The following DSG2 variants were observed in gnomAD, a reference collection of about 807,000 sequenced individuals.
DSG2 encodes desmoglein 2.
In DSG2, 45 loss-of-function variants were observed where a neutral mutation model predicts 75.6. The ratio of observed to expected loss-of-function variants is 0.60; its 90% CI spans 0.47 to 0.76. DSG2 has a LOEUF of 0.76. DSG2 is among the 30% of genes least tolerant of loss of function. The pLI, the probability that DSG2 is intolerant of heterozygous loss-of-function variation, is 0.00. For synonymous variants in DSG2, 429 were observed against 483.9 expected (o/e 0.89, Z 1.49); for missense variants, 1,267 against 1,357.4 (o/e 0.93, Z 1.05).
At chr18:31,510,161 C>T (rs889415336) in intron 1 of DSG2, among the ~76,000 whole-genome samples, 1 of 152,248 alleles carries the variant, frequency 6.6e-6, no homozygotes, top group Non-Finnish European at 1.5e-5. Context: ...GCAAGTGCCA[C>T]GTCCTCTGTG....
At chr18:31,538,407 A>G (rs1412434534) in intron 11 of DSG2, among the ~76,000 whole-genome samples, 1 of 152,104 alleles carries the variant, frequency 6.6e-6, no homozygotes, top group East Asian at 1.9e-4. Context: ...TTTTTTAAAG[A>G]AATGGTAAAA....
chr18:31,542,145 C>A, intron 13 of DSG2: 1 of 316,658 alleles, frequency 3.2e-6, no homozygotes, highest in Non-Finnish European at 6.0e-6. Context: ...GCATCAGAGG[C>A]TTAGAAATAT....
Position 31,548,159 on chromosome 18 carries a change from T to C in DSG2, c.*1416T>C. The C allele has an allele frequency of 6.6e-6, 1 of 152,218 alleles. No individual in the cohort carries two copies. Among genetic ancestry groups the C allele is most frequent in the Non-Finnish European group, 1.5e-5 (1 of 68,038 alleles). The allele number at this position is 152,218 out of a possible 1,614,324, so 9.4% of individuals were successfully genotyped here. A position where few individuals can be genotyped will look rare whatever the true frequency, so the allele number is the denominator to read the frequency against. ...ATTATAAAAACCTCAAATAATTGACTTGATTTTACACAACATCCTTCCCTT... is the reference window on the plus strand; with the variant it reads ...ATTATAAAAACCTCAAATAATTGACCTGATTTTACACAACATCCTTCCCTT... On this transcript the variant is annotated 3_prime_UTR_variant, in exon 15 of 15. Coordinates refer to ENST00000261590, the MANE Select transcript of DSG2 (RefSeq NM_001943.5).
chr18:31,524,515 T>C lies in DSG2; in HGVS notation c.758T>C (p.Val253Ala). 2 of 1,614,056 alleles carry C rather than the reference T, an allele frequency of 1.2e-6. No individual in the cohort carries two copies. The highest frequency in any genetic ancestry group is 4.5e-5 in the East Asian group (2 of 44,886). The part of the protein sequence containing the change: ...DGNGEVTDKP[V>A]KQAQVQIRIL... The stretch of plus-strand genomic sequence containing the variant: ...AATGGAGAAGTTACAGACAAACCTG[T>C]AAAACAAGCTCAAGTTCAGATTCGT... Residue 253 changes from valine (V) to alanine (A), a missense_variant, in exon 7 of 15, where the codon GTA becomes GCA. Transcript: ENST00000261590.
In DSG2 at chr18:31,536,370, T is replaced by G. The variant is rs200484060; in HGVS notation, c.1592T>G (p.Phe531Cys). 1.6e-5 allele frequency: 26 copies of G among 1,614,182 alleles called. No homozygotes were observed. The East Asian group carries it at 5.6e-4, about 35-fold the overall frequency. Residue 531 changes from phenylalanine (F) to cysteine (C), a missense_variant, in exon 11 of 15, where the codon TTC becomes TGC. By Grantham distance (205) the Phe-to-Cys change is radical (BLOSUM62 -2). Coordinates refer to ENST00000261590, the MANE Select transcript of DSG2 (RefSeq NM_001943.5). ...DGHPNSGPFS[F>C]SVIDKPPGMA... is the part of the protein sequence containing the mutation. ...CACCCAAACAGTGGCCCTTTCAGTT[T>G]CTCCGTCATTGACAAACCACCTGGC...
chr18:31,520,170 CTT>C (rs1256131681), intron 3 of DSG2, among the ~76,000 whole-genome samples: 1 of 152,146 alleles, frequency 6.6e-6, no homozygotes, highest in Non-Finnish European at 1.5e-5. Flanking sequence ...ATATAGATAA[CTT>C]TGAGTTTTGA....
At chr18:31,530,608 G>A (rs1200758282) in intron 8 of DSG2, among the ~76,000 whole-genome samples, 1 of 151,974 alleles carries the variant, frequency 6.6e-6, no homozygotes, top group Admixed American at 6.6e-5. Flanking sequence ...TTGTACAGAT[G>A]GGAACTCCCT....
At position 31,546,454 on chromosome 18, in the gene DSG2, T is replaced by C; in HGVS notation, c.3068T>C (p.Leu1023Pro). The change falls in exon 15 of 15, where the codon CTT becomes CCT. Residue 1023 changes from leucine to proline, a missense_variant. Transcript: ENST00000261590. ...ATGGTGAGGGAAAGAGAGAGCTTCCTTGCCCCCAGCTCAGGTGTGCAGCCT... is the reference window on the plus strand; with the variant it reads ...ATGGTGAGGGAAAGAGAGAGCTTCCCTGCCCCCAGCTCAGGTGTGCAGCCT... ...YVMVRERESF[L>P]APSSGVQPTL... The C allele has an allele frequency of 6.2e-7, 1 of 1,614,148 alleles. No homozygotes were observed. Among genetic ancestry groups the C allele is most frequent in the South Asian group, 1.1e-5 (1 of 91,084 alleles).
chr18:31,501,562 A>T (rs115500955), intron 1 of DSG2, among the ~76,000 whole-genome samples: 167 of 152,168 alleles, frequency 1.1e-3, no homozygotes, highest in Non-Finnish European at 2.0e-3. Flanking sequence ...CCAAGTGCAT[A>T]CTGGTTTGTT....
rs1279432764 is a variant in DSG2, at chr18:31,520,791, T to C, written c.217-12T>C. On this transcript the variant is annotated splice_polypyrimidine_tract_variant and intron_variant, in intron 3 of 14. Coordinates refer to ENST00000261590, the MANE Select transcript of DSG2 (RefSeq NM_001943.5). The stretch of plus-strand genomic sequence containing the variant: ...AGTTCAACCTGAAACATTCCTGTTA[T>C]TTTTATGTTAGATACATTCTGATCT... The C allele has an allele frequency of 6.2e-7, 1 of 1,613,082 alleles. No homozygotes were observed. Among genetic ancestry groups the C allele is most frequent in the African/African-American group, 1.3e-5 (1 of 75,034 alleles).
chr18:31,499,390 C>CA (rs2073002536), intron 1 of DSG2, among the ~76,000 whole-genome samples: 1 of 149,486 alleles, frequency 6.7e-6, no homozygotes, highest in African/African-American at 2.5e-5. Flanking sequence ...GTGTGTGTCT[C>CA]AAAACGGAAA....
intron 6 of DSG2, among the ~76,000 whole-genome samples, chr18:31,523,229 A>C (rs1043669992): frequency 6.6e-6 from 1 of 151,978 alleles, no homozygotes. Context: ...GTGAAACCCC[A>C]TCTCTACTAA....
At chr18:31,527,787 T>G (rs925744559) in intron 8 of DSG2, among the ~76,000 whole-genome samples, 1 of 152,186 alleles carries the variant, frequency 6.6e-6, no homozygotes, top group Non-Finnish European at 1.5e-5. Context: ...CAACAGAAAT[T>G]TATTTCTCAC....
chr18:31,535,487 T>C, intron 10 of DSG2, 75 bp downstream of exon 10: 11 of 1,350,488 alleles, frequency 8.1e-6, no homozygotes, highest in Middle Eastern at 2.6e-4. Flanking sequence ...AAACCATTGA[T>C]TTGATTGTGT....
rs2073318360 is a variant in DSG2, at chr18:31,547,119, T to C, written c.*376T>C. The C allele has an allele frequency of 2.7e-6, 1 of 363,990 alleles. No individual in the cohort carries two copies. The highest frequency in any genetic ancestry group is 5.3e-6 in the Non-Finnish European group (1 of 189,570). 22.5% of individuals were successfully genotyped at this position (363,990 alleles called of 1,614,324 possible). On this transcript the variant is annotated 3_prime_UTR_variant, in exon 15 of 15. Coordinates refer to ENST00000261590, the MANE Select transcript of DSG2 (RefSeq NM_001943.5). ...CAACCCAGGAAACTGACTGGGTCTC[T>C]TTGCCTACCGTATTAACATTAAACA...
Position 31,546,426 on chromosome 18 carries a change from G to A in DSG2, c.3040G>A (p.Val1014Ile), listed in dbSNP as rs200830807. The A allele has an allele frequency of 1.7e-4, 270 of 1,614,068 alleles. No homozygotes were observed. Among genetic ancestry groups the A allele is most frequent in the Non-Finnish European group, 2.1e-4 (250 of 1,180,034 alleles). The stretch of plus-strand genomic sequence containing the variant: ...TCAGCATCTTCAAGATGTACCTTAC[G>A]TCATGGTGAGGGAAAGAGAGAGCTT... ...GTQHLQDVPY[V>I]MVRERESFLA... is the part of the protein sequence containing the mutation. Residue 1014 changes from valine (V) to isoleucine (I), a missense_variant, in exon 15 of 15, where the codon GTC becomes ATC. Val to Ile is a conservative substitution (Grantham distance 29). Transcript: ENST00000261590.
chr18:31,542,987 A>C, intron 14 of DSG2, 135 bp downstream of exon 14: 1 of 757,766 alleles, frequency 1.3e-6, no homozygotes. Flanking sequence ...TTTTCAGGGA[A>C]TACTTATAGG....
intron 1 of DSG2, among the ~76,000 whole-genome samples, chr18:31,500,193 A>G (rs1219564247): frequency 1.3e-5 from 2 of 152,248 alleles, no homozygotes; most frequent in African/African-American, 2.4e-5. Context: ...TAAAGCAAGA[A>G]TAGGTTTATT....
At chr18:31,529,920 G>A (rs1275860933) in intron 8 of DSG2, among the ~76,000 whole-genome samples, 2 of 152,090 alleles carry the variant, frequency 1.3e-5, no homozygotes, top group African/African-American at 4.8e-5. Context: ...AATTGTGATA[G>A]CCCAAATGCC....
Sources: gnomAD v4.1 joint callset for allele counts (sites outside exome capture counted in the v4.1 genomes callset) on GRCh38, gnomAD v4.1.1 for gene constraint, MANE v1.5 for transcripts, NCBI Gene and HGNC (gene_info 2026-07-23, HGNC 2026-07-21) for gene names.